Variants in ATP2C2 observed in about 807,000 individuals in gnomAD.
ATP2C2 encodes the protein ATPase secretory pathway Ca2+ transporting 2.
Under a neutral mutation model 110.8 loss-of-function variants are expected in ATP2C2, and 171 were observed. That is an observed-to-expected ratio of 1.54 (90% CI 1.36 to 1.75). ATP2C2 has a LOEUF of 1.75. Among genes scored for constraint, ATP2C2 ranks in the 40% most tolerant of loss-of-function variants. ATP2C2 has a pLI of 0.00. For missense variants in ATP2C2, 1,963 were observed against 1,235.0 expected (o/e 1.59, Z -8.84); for synonymous variants, 804 against 508.4 (o/e 1.58, Z -7.82).
chr16:84,430,221 G>T (rs1333274617), intron 11 of ATP2C2, among the ~76,000 whole-genome samples: 2 of 152,206 alleles, frequency 1.3e-5, no homozygotes. Flanking sequence ...GCTGCCGGGA[G>T]AAGGGGGTGG....
chr16:84,460,783 C>G lies in ATP2C2; in HGVS notation c.2463C>G (p.Leu821=), dbSNP rs776425259. 7 of 1,613,208 alleles carry G rather than the reference C, an allele frequency of 4.3e-6. No individual in the cohort carries two copies. In the Admixed American group the frequency reaches 6.7e-5, roughly 15 times the overall value. Residue 821 remains leucine, a synonymous_variant, in exon 24 of 27, where the codon CTC becomes CTG. Coordinates refer to ENST00000262429, the MANE Select transcript of ATP2C2 (RefSeq NM_014861.4). ...MSAAIIISGT[L]FIFWKEMPED... Reference sequence around the variant, plus strand: ...CGGCCATCATCATCAGCGGGACCCTCTTTATCTTCTGGAAGGAGGTGAGCG... The same window carrying G: ...CGGCCATCATCATCAGCGGGACCCTGTTTATCTTCTGGAAGGAGGTGAGCG...
chr16:84,443,509 G>C (rs1040949028), intron 15 of ATP2C2, among the ~76,000 whole-genome samples: 1 of 152,164 alleles, frequency 6.6e-6, no homozygotes, highest in Non-Finnish European at 1.5e-5. Flanking sequence ...CGCTGCCGCC[G>C]AGCCTGGCCC....
rs1371012932 is a variant in ATP2C2, at chr16:84,368,659, T to C, written c.44T>C (p.Phe15Ser). Residue 15 changes from phenylalanine (F) to serine (S), a missense_variant, in exon 1 of 27, where the codon TTC becomes TCC. Coordinates refer to ENST00000262429, the MANE Select transcript of ATP2C2 (RefSeq NM_014861.4). ...TCCGAGTTCCTGAAGAAACTCGGCT[T>C]CTCGGGCGGGGGCCGCCAGTACCAG... ...RVSEFLKKLG[F>S]SGGGRQYQAL... 6.4e-7 allele frequency: 1 copy of C among 1,564,526 alleles called. No homozygotes were observed. The highest frequency in any genetic ancestry group is 8.6e-7 in the Non-Finnish European group (1 of 1,156,930).
chr16:84,378,415 G>C (rs1257624761), intron 1 of ATP2C2, among the ~76,000 whole-genome samples: 2 of 152,130 alleles, frequency 1.3e-5, no homozygotes, highest in East Asian at 3.9e-4. Context: ...CAAGAATGGA[G>C]GGCAGCATTG....
At chr16:84,423,145 G>GCTA in intron 9 of ATP2C2, 43 bp from the exon 10 acceptor site, 1 of 1,551,380 alleles carries the variant, frequency 6.4e-7, no homozygotes, top group Non-Finnish European at 8.9e-7. Flanking sequence ...GCAGGCAGAA[G>GCTA]CTAGGATCTT....
chr16:84,382,176 G>A (rs577279453), intron 1 of ATP2C2, among the ~76,000 whole-genome samples: 7 of 151,800 alleles, frequency 4.6e-5, no homozygotes, highest in South Asian at 2.1e-4. Context: ...TGATGTTCCC[G>A]TCCCTGTGTC....
intron 1 of ATP2C2, among the ~76,000 whole-genome samples, chr16:84,375,804 T>G (rs1910215886): frequency 6.6e-6 from 1 of 152,260 alleles, no homozygotes; most frequent in Non-Finnish European, 1.5e-5. Flanking sequence ...CTTTGTAATC[T>G]TGTGCATTTT....
At chr16:84,419,208 T>TTAAAA (rs1186522596) in intron 7 of ATP2C2, among the ~76,000 whole-genome samples, 1 of 47,468 alleles carries the variant, frequency 2.1e-5, no homozygotes, top group African/African-American at 8.2e-5. Context: ...ACCCCATCTT[T>TTAAAA]AAAAAAAAAA....
At chr16:84,410,648 A>G (rs2150526316) in intron 5 of ATP2C2, 45 bp downstream of exon 5, 3 of 1,613,784 alleles carry the variant, frequency 1.9e-6, no homozygotes, top group Non-Finnish European at 2.5e-6. Flanking sequence ...TGGGCGGGAC[A>G]GGAGCTTCAT....
chr16:84,424,423 A>AT lies in ATP2C2; in HGVS notation c.919+1161dup, dbSNP rs1236680392. On this transcript the variant is annotated intron_variant, in intron 10 of 26. Coordinates refer to ENST00000262429, the MANE Select transcript of ATP2C2 (RefSeq NM_014861.4). ...CTCCTGAATCTCTGGGATTACAGGC[A>AT]TGCACCATCACGCCCAGCTGATTTT... Among the ~76,000 whole-genome samples the AT allele has an allele frequency of 3.9e-5, 6 of 152,062 alleles. No individual in the cohort carries two copies. In the East Asian group the frequency reaches 1.2e-3, roughly 30 times the overall value.
chr16:84,386,144 C>A (rs1030319561), intron 1 of ATP2C2, among the ~76,000 whole-genome samples: 3 of 152,118 alleles, frequency 2.0e-5, no homozygotes, highest in Non-Finnish European at 4.4e-5. Flanking sequence ...AGCCATTTCT[C>A]CCAGTATCCT....
chr16:84,436,411 AGCCTGGCCCCAGG>A, intron 11 of ATP2C2, among the ~76,000 whole-genome samples: 1 of 152,168 alleles, frequency 6.6e-6, no homozygotes, highest in East Asian at 1.9e-4. Context: ...TTTCCTGGGC[AGCCTGGCCCCAGG>A]GCCTGGACCG....
intron 1 of ATP2C2, among the ~76,000 whole-genome samples, chr16:84,383,947 G>A (rs1056065735): frequency 5.3e-4 from 80 of 152,004 alleles, no homozygotes; most frequent in African/African-American, 1.9e-3. Context: ...GTGCCACCAC[G>A]CCCAGCTAAT....
At chr16:84,397,397 C>G (rs180892295) in intron 1 of ATP2C2, among the ~76,000 whole-genome samples, 1 of 151,552 alleles carries the variant, frequency 6.6e-6, no homozygotes, top group Non-Finnish European at 1.5e-5. Flanking sequence ...CCTGGAAGTT[C>G]GAGGTTCAGG....
intron 23 of ATP2C2, chr16:84,460,086 A>G (rs550595607): frequency 2.5e-5 from 5 of 198,442 alleles, no homozygotes; most frequent in Admixed American, 5.4e-5. Flanking sequence ...CAAGGGAAAG[A>G]GAGTCCTCAT....
rs530128320 is a variant in ATP2C2, at chr16:84,422,671, G to T, written c.817G>T (p.Val273Leu). Residue 273 changes from valine (V) to leucine (L), a missense_variant, in exon 9 of 27, where the codon GTG (valine) becomes TTG (leucine). Coordinates refer to ENST00000262429, the MANE Select transcript of ATP2C2 (RefSeq NM_014861.4). ...GTGESSQFGE[V>L]FKMMQAEETP... The stretch of plus-strand genomic sequence containing the variant: ...AGGGGAAAGCTCTCAGTTCGGAGAA[G>T]TGTTTAAGATGATGCAGGCTGAAGA... The T allele has an allele frequency of 4.6e-5, 75 of 1,613,572 alleles. No homozygotes were observed. The South Asian group carries it at 7.3e-4, about 16-fold the overall frequency.
At chr16:84,434,858 T>G (rs769892667) in intron 11 of ATP2C2, among the ~76,000 whole-genome samples, 1 of 152,176 alleles carries the variant, frequency 6.6e-6, no homozygotes, top group African/African-American at 2.4e-5. Flanking sequence ...TTCTTTATTA[T>G]TATGAATTCA....
At chr16:84,453,893 T>G (rs970040489) in intron 20 of ATP2C2, among the ~76,000 whole-genome samples, 5 of 152,008 alleles carry the variant, frequency 3.3e-5, no homozygotes, top group Non-Finnish European at 7.4e-5. Context: ...TAGGCTGCAG[T>G]GCAGTGGCAC....
chr16:84,459,015 A>G (rs1383256355), intron 21 of ATP2C2, 105 bp from the exon 22 acceptor site: 4 of 1,254,358 alleles, frequency 3.2e-6, no homozygotes, highest in Non-Finnish European at 4.6e-6. Flanking sequence ...GCCCAAGTAT[A>G]ACATCAATCT....
Sources: allele counts gnomAD v4.1 joint callset (sites outside exome capture counted in the v4.1 genomes callset), GRCh38; gene constraint gnomAD v4.1.1; transcripts MANE v1.5; gene names NCBI Gene and HGNC (gene_info 2026-07-23, HGNC 2026-07-21).